COL4A3: variants seen among roughly 807,000 people sequenced by gnomAD.
COL4A3 encodes collagen type IV alpha 3 chain, also known as collagen alpha-3(IV) chain.
COL4A3 carries 135 observed loss-of-function variants against 217.4 expected under a neutral mutation model. The ratio of observed to expected loss-of-function variants is 0.62; its 90% confidence interval spans 0.54 to 0.72. The LOEUF (loss-of-function observed/expected upper bound fraction) is 0.72, where lower values mean the gene tolerates loss of function less well. Ranked by LOEUF, COL4A3 falls within the 30% of genes least tolerant of loss-of-function variation. The probability of loss-of-function intolerance (pLI) is 0.00; values close to 1 mark genes in which losing one functional copy is unlikely to be tolerated. For synonymous variants in COL4A3, 690 were observed against 736.3 expected, an observed-to-expected ratio of 0.94 and a Z score of 1.02; for missense variants, 1,868 against 2,119.9, an observed-to-expected ratio of 0.88 and a Z score of 2.33.
chr2:227,178,199 A>G (rs1433421541), intron 1 of COL4A3, among the ~76,000 whole-genome samples: 1 of 152,078 alleles, frequency 6.6e-6, no homozygotes, highest in Non-Finnish European at 1.5e-5. Context: ...CCTGGGTAAT[A>G]CAATGTGACC....
At chr2:227,185,390 C>T (rs1304283380) in intron 1 of COL4A3, among the ~76,000 whole-genome samples, 1 of 152,158 alleles carries the variant, frequency 6.6e-6, no homozygotes, top group East Asian at 1.9e-4. Context: ...TGCTAGACAA[C>T]ATGCCAAGAT....
At position 227,304,340 on chromosome 2, in the gene COL4A3, T is replaced by C. The variant is rs994265394; in HGVS notation, c.4153+196T>C. 1.9e-4 allele frequency: 119 copies of C among 641,854 alleles called. 1 individual carries two copies. In the East Asian group the frequency reaches 3.2e-3, roughly 17 times the overall value. The allele number at this position is 641,854 out of a possible 1,614,324, so 39.8% of individuals were successfully genotyped here. On this transcript the variant is annotated intron_variant, in intron 46 of 51. Transcript: ENST00000396578. ...AGACCTTGGAATCTATTGAAAGCAG[T>C]TGTTCATAGTATAACTTGAACAAAT...
intron 1 of COL4A3, among the ~76,000 whole-genome samples, chr2:227,219,253 G>A (rs1196831714): frequency 6.6e-6 from 1 of 151,994 alleles, no homozygotes; most frequent in East Asian, 1.9e-4. Flanking sequence ...TGCCATCCTC[G>A]GCCTCCCAAA....
At chr2:227,273,575 T>C (rs1036102927) in intron 26 of COL4A3, among the ~76,000 whole-genome samples, 5 of 152,068 alleles carry the variant, frequency 3.3e-5, no homozygotes, top group African/African-American at 1.2e-4. Flanking sequence ...AGCTAATATA[T>C]ATTTTATTTT....
intron 23 of COL4A3, among the ~76,000 whole-genome samples, chr2:227,267,694 T>C (rs1454826239): frequency 6.6e-6 from 1 of 152,140 alleles, no homozygotes; most frequent in African/African-American, 2.4e-5. Flanking sequence ...TTAATAAATC[T>C]TCCAAGTTTT....
chr2:227,294,419 G>A (rs370661330), intron 38 of COL4A3, 71 bp from the exon 39 acceptor site: 42 of 1,013,806 alleles, frequency 4.1e-5, no homozygotes, highest in Non-Finnish European at 5.5e-5. Flanking sequence ...AAAACAGACC[G>A]TTTCAGTCAC....
At chr2:227,176,260 A>G (rs1413325908) in intron 1 of COL4A3, among the ~76,000 whole-genome samples, 1 of 152,244 alleles carries the variant, frequency 6.6e-6, no homozygotes, top group Non-Finnish European at 1.5e-5. Flanking sequence ...TACATACAAT[A>G]TCAGACTATC....
chr2:227,285,229 T>A (rs1354634387), intron 34 of COL4A3, among the ~76,000 whole-genome samples: 2 of 135,766 alleles, frequency 1.5e-5, no homozygotes, highest in East Asian at 4.4e-4. Flanking sequence ...AATATTTATA[T>A]GCATGGCACA....
intron 6 of COL4A3, 43 bp downstream of exon 6, chr2:227,246,059 T>G: frequency 6.8e-7 from 1 of 1,460,602 alleles, no homozygotes; most frequent in South Asian, 1.1e-5. Flanking sequence ...AATGCTTTGC[T>G]GAATGATTAA....
intron 1 of COL4A3, among the ~76,000 whole-genome samples, chr2:227,223,254 A>C (rs1473829365): frequency 6.6e-6 from 1 of 152,188 alleles, no homozygotes; most frequent in Non-Finnish European, 1.5e-5. Flanking sequence ...GTTACTAAAG[A>C]CTTCAAATAA....
chr2:227,298,878 G>GTA (rs2073154178), intron 43 of COL4A3, 66 bp downstream of exon 43: 3 of 1,385,672 alleles, frequency 2.2e-6, no homozygotes, highest in African/African-American at 1.4e-5. Flanking sequence ...TTCTTATATT[G>GTA]TATATTATAT....
chr2:227,309,449 C>T (rs1356433793), intron 50 of COL4A3, 131 bp downstream of exon 50: 2 of 733,712 alleles, frequency 2.7e-6, no homozygotes, highest in Admixed American at 2.2e-5. Flanking sequence ...TAGACATTTC[C>T]TTGAAAATCT....
chr2:227,218,080 C>CTATATATATATATATATATA (rs10606625), intron 1 of COL4A3, among the ~76,000 whole-genome samples: 1,346 of 118,008 alleles, frequency 0.011, 24 homozygotes, highest in Admixed American at 0.02. Context: ...ATATATATAG[C>CTATATATATATATATATATA]TATATATATA....
intron 9 of COL4A3, among the ~76,000 whole-genome samples, chr2:227,248,934 A>C (rs185554359): frequency 1.3e-4 from 20 of 152,122 alleles, no homozygotes; most frequent in African/African-American, 4.1e-4. Flanking sequence ...CATAATGATA[A>C]ATAAAAGGTT....
chr2:227,190,596 G>A (rs1215979074), intron 1 of COL4A3, among the ~76,000 whole-genome samples: 1 of 152,214 alleles, frequency 6.6e-6, no homozygotes, highest in Non-Finnish European at 1.5e-5. Context: ...AAAACAAAGT[G>A]TATTAATTAT....
At chr2:227,197,699 C>T (rs897143467) in intron 1 of COL4A3, among the ~76,000 whole-genome samples, 3 of 152,190 alleles carry the variant, frequency 2.0e-5, no homozygotes, top group African/African-American at 7.2e-5. Flanking sequence ...TCTCACAACA[C>T]ATACACACCT....
intron 42 of COL4A3, 117 bp downstream of exon 42, chr2:227,297,976 T>G: frequency 1.7e-6 from 2 of 1,144,726 alleles, no homozygotes; most frequent in Non-Finnish European, 2.6e-6. Flanking sequence ...GTCATCTCCA[T>G]TCCCCCACTA....
intron 1 of COL4A3, among the ~76,000 whole-genome samples, chr2:227,172,731 C>G (rs2065535515): frequency 6.6e-6 from 1 of 151,876 alleles, no homozygotes; most frequent in African/African-American, 2.4e-5. Context: ...GGACTTCAGG[C>G]ATAGGCCACC....
rs66686669 is a variant in COL4A3, at chr2:227,266,179, CA to C, written c.1316-227del. On this transcript the variant is annotated intron_variant, in intron 21 of 51. Coordinates refer to ENST00000396578, the MANE Select transcript of COL4A3 (RefSeq NM_000091.5). ...AGATAAAATAGGTTGATTCTGTGACCAAAAAAAAAAATTATACAATGAGCTT... is the reference window on the plus strand; with the variant it reads ...AGATAAAATAGGTTGATTCTGTGACCAAAAAAAAAATTATACAATGAGCTT... Among the ~76,000 whole-genome samples the C allele has an allele frequency of 0.087, 12,577 of 144,704 alleles. 611 individuals carry two copies. The highest frequency in any genetic ancestry group is 0.17 in the Admixed American group (2,506 of 14,550). 94.9% of individuals were successfully genotyped at this position (144,704 alleles called of 152,430 possible).
Sources: gnomAD v4.1 joint callset for allele counts (sites outside exome capture counted in the v4.1 genomes callset) on GRCh38, gnomAD v4.1.1 for gene constraint, MANE v1.5 for transcripts, NCBI Gene and HGNC (gene_info 2026-07-23, HGNC 2026-07-21) for gene names.